Variants in NRG1 observed in about 807,000 individuals in gnomAD.
The protein encoded by NRG1 is neuregulin 1.
A neutral mutation model predicts 63.8 loss-of-function variants in NRG1; 18 were observed. The ratio of observed to expected loss-of-function variants is 0.28; its 90% CI spans 0.19 to 0.42. The LOEUF is 0.42. Ranked by LOEUF, NRG1 falls within the 10% of genes least tolerant of loss-of-function variation. The pLI is 1.00. For synonymous variants in NRG1, 302 were observed against 301.3 expected, an observed-to-expected ratio of 1.00 and a Z score of -0.02; for missense variants, 762 against 814.7, an observed-to-expected ratio of 0.94 and a Z score of 0.79.
At chr8:32,484,892 A>G (rs888356580) in intron 1 of NRG1, among the ~76,000 whole-genome samples, 1 of 152,222 alleles carries the variant, frequency 6.6e-6, no homozygotes, top group Non-Finnish European at 1.5e-5. Context: ...TCTTCATACC[A>G]TCATCTATCC....
At chr8:32,551,910 C>CTTTTTTTT (rs34051371) in intron 1 of NRG1, among the ~76,000 whole-genome samples, 1 of 112,168 alleles carries the variant, frequency 8.9e-6, no homozygotes, top group Non-Finnish European at 1.7e-5. Flanking sequence ...AAAACCAGAG[C>CTTTTTTTT]TTTTTTTTTT....
intron 1 of NRG1, among the ~76,000 whole-genome samples, chr8:32,070,472 T>G (rs1215178642): frequency 6.6e-6 from 1 of 152,214 alleles, no homozygotes; most frequent in Non-Finnish European, 1.5e-5. Flanking sequence ...CAAATGAAAT[T>G]TAGACTCCTA....
rs112515481 is a variant in NRG1 at position 32,445,884 on chromosome 8, C to T, written c.38-149944C>T. ...GGAGAGAAGAGTAGGGTTTGTTGTA[C>T]ATGAGAAGAGGCTGTGGGGTGGGGA... On this transcript the variant is annotated intron_variant, in intron 1 of 10. Transcript: ENST00000519301. Among the ~76,000 whole-genome samples, 171 of 152,120 alleles carry T rather than the reference C, an allele frequency of 1.1e-3. 3 individuals are homozygous for T. Among genetic ancestry groups the T allele is most frequent in the Admixed American group, 3.2e-3 (49 of 15,256 alleles).
At chr8:31,973,565 G>A (rs187182959) in intron 1 of NRG1, among the ~76,000 whole-genome samples, 3 of 152,168 alleles carry the variant, frequency 2.0e-5, no homozygotes, top group African/African-American at 4.8e-5. Context: ...GCCAGTTGAT[G>A]CCATGTCTCA....
At chr8:32,332,790 G>A (rs1802810488) in intron 1 of NRG1, among the ~76,000 whole-genome samples, 1 of 152,166 alleles carries the variant, frequency 6.6e-6, no homozygotes, top group Admixed American at 6.5e-5. Flanking sequence ...AGGCCTCTCT[G>A]TCATATGCAA....
intron 1 of NRG1, among the ~76,000 whole-genome samples, chr8:32,528,414 G>A (rs1278994894): frequency 1.3e-5 from 2 of 152,178 alleles, no homozygotes; most frequent in Non-Finnish European, 2.9e-5. Flanking sequence ...TTGAACTTGC[G>A]AGGTCAGCTT....
chr8:31,676,413 T>C (rs1807705082), intron 1 of NRG1, among the ~76,000 whole-genome samples: 1 of 152,174 alleles, frequency 6.6e-6, no homozygotes, highest in African/African-American at 2.4e-5. Context: ...CCCCAAGATT[T>C]CCTCGTGTCA....
At chr8:31,886,492 C>T (rs1200743008) in intron 1 of NRG1, among the ~76,000 whole-genome samples, 2 of 152,018 alleles carry the variant, frequency 1.3e-5, no homozygotes, top group African/African-American at 2.4e-5. Context: ...TAAAGAAGAG[C>T]ATGTGTGATT....
At chr8:32,137,810 C>T (rs986117843) in intron 1 of NRG1, among the ~76,000 whole-genome samples, 3 of 152,196 alleles carry the variant, frequency 2.0e-5, no homozygotes, top group African/African-American at 7.2e-5. Flanking sequence ...AGTCTATGCG[C>T]TGCTGCAGGC....
At chr8:31,867,052 C>T (rs745541148) in intron 1 of NRG1, among the ~76,000 whole-genome samples, 2 of 152,166 alleles carry the variant, frequency 1.3e-5, no homozygotes, top group Non-Finnish European at 2.9e-5. Flanking sequence ...CATTTAAGTT[C>T]AGTCCCAATG....
chr8:32,770,799 G>A (rs1831733104), downstream of NRG1, among the ~76,000 whole-genome samples: 1 of 152,082 alleles, frequency 6.6e-6, no homozygotes, highest in Non-Finnish European at 1.5e-5. Context: ...ACAAGACCGT[G>A]GTGTGGTCAG....
chr8:32,623,893 G>A lies in NRG1; in HGVS notation c.502+7008G>A, dbSNP rs4360254. Among the ~76,000 whole-genome samples the A allele has an allele frequency of 1.6e-4, 24 of 152,202 alleles. No homozygotes were observed. The South Asian group carries it at 4.4e-3, about 28-fold the overall frequency. ...AGTTTTGATTAAGCTTTGACCTTTCGTACTGGTTGAAATTAACGCTTTACA... is the reference window on the plus strand; with the variant it reads ...AGTTTTGATTAAGCTTTGACCTTTCATACTGGTTGAAATTAACGCTTTACA... On this transcript the variant is annotated intron_variant, in intron 5 of 11. Transcript: ENST00000356819.
At chr8:31,654,259 G>C (rs949486868) in intron 1 of NRG1, among the ~76,000 whole-genome samples, 1 of 152,182 alleles carries the variant, frequency 6.6e-6, no homozygotes, top group Non-Finnish European at 1.5e-5. Context: ...TTTGTGATTA[G>C]CTGAGTATAT....
At chr8:32,137,378 G>T (rs912037712) in intron 1 of NRG1, among the ~76,000 whole-genome samples, 1 of 152,076 alleles carries the variant, frequency 6.6e-6, no homozygotes, top group African/African-American at 2.4e-5. Context: ...AGAGGCCAAG[G>T]TTGCAATGAG....
intron 1 of NRG1, among the ~76,000 whole-genome samples, chr8:32,497,786 G>T (rs1486072578): frequency 3.3e-5 from 5 of 152,134 alleles, no homozygotes; most frequent in African/African-American, 1.2e-4. Flanking sequence ...AATAATGAAA[G>T]ATTAATAAGA....
chr8:32,454,748 A>G (rs1012929848), intron 1 of NRG1, among the ~76,000 whole-genome samples: 1 of 152,094 alleles, frequency 6.6e-6, no homozygotes, highest in Non-Finnish European at 1.5e-5. Context: ...TAGTGTAGCC[A>G]AGTGTGCAGT....
intron 1 of NRG1, among the ~76,000 whole-genome samples, chr8:32,072,064 C>T (rs948299331): frequency 6.6e-6 from 1 of 151,826 alleles, no homozygotes; most frequent in African/African-American, 2.4e-5. Context: ...AAAAGATATG[C>T]CACATAACCA....
In NRG1 at chr8:32,579,760, T is replaced by C. The variant is rs544633494; in HGVS notation, c.101-16068T>C. Among the ~76,000 whole-genome samples, 5 of 152,298 alleles carry C rather than the reference T, an allele frequency of 3.3e-5. No homozygotes were observed. The South Asian group carries it at 1.0e-3, about 32-fold the overall frequency. ...CTCCTGTAACAAATTACCACAAACTTTGAGGCTTAAAGCAACATGAGTTCA... is the reference window on the plus strand; with the variant it reads ...CTCCTGTAACAAATTACCACAAACTCTGAGGCTTAAAGCAACATGAGTTCA... On this transcript the variant is annotated intron_variant, in intron 1 of 11. Coordinates refer to ENST00000356819, the Ensembl canonical transcript of NRG1.
downstream of NRG1, among the ~76,000 whole-genome samples, chr8:32,768,851 T>C (rs368924204): frequency 6.6e-6 from 1 of 152,318 alleles, no homozygotes; most frequent in Admixed American, 6.5e-5. Flanking sequence ...TTCCCACCAA[T>C]GTCCACCTCC....
Sources: allele counts gnomAD v4.1 joint callset (sites outside exome capture counted in the v4.1 genomes callset), GRCh38; gene constraint gnomAD v4.1.1; transcripts MANE v1.5; gene names NCBI Gene and HGNC (gene_info 2026-07-23, HGNC 2026-07-21).